Variants in ADCK1 observed in about 807,000 individuals in gnomAD.
The protein encoded by ADCK1 is aarF domain containing kinase 1, also known as aarF domain-containing protein kinase 1.
Under a neutral mutation model 52.3 loss-of-function variants are expected in ADCK1, and 41 were observed. The observed-to-expected ratio is 0.78, with a 90% CI of 0.61 to 1.02. The LOEUF (loss-of-function observed/expected upper bound fraction) is 1.02. Among genes scored for constraint, ADCK1 ranks in the 50% least tolerant of loss-of-function variants. The probability of loss-of-function intolerance (pLI) is 0.00; values close to 1 mark genes in which losing one functional copy is unlikely to be tolerated. For missense variants in ADCK1, 658 were observed against 679.5 expected (o/e 0.97, Z 0.35); for synonymous variants, 250 against 274.6 (o/e 0.91, Z 0.89).
chr14:77,845,010 T>C (rs2082148015), intron 3 of ADCK1, among the ~76,000 whole-genome samples: 1 of 152,232 alleles, frequency 6.6e-6, no homozygotes, highest in Non-Finnish European at 1.5e-5. Flanking sequence ...TTCCTATTCC[T>C]GACCCTGCTC....
intron 2 of ADCK1, among the ~76,000 whole-genome samples, chr14:77,820,058 C>CT (rs1218410523): frequency 1.3e-5 from 2 of 152,132 alleles, no homozygotes; most frequent in East Asian, 1.9e-4. Flanking sequence ...TACCGAATGC[C>CT]TTTTTTTGGT....
At chr14:77,872,566 G>T (rs913048913) in intron 4 of ADCK1, among the ~76,000 whole-genome samples, 6 of 151,986 alleles carry the variant, frequency 3.9e-5, no homozygotes, top group Non-Finnish European at 8.8e-5. Flanking sequence ...TGTGCTCTCA[G>T]ATGGGGGGCT....
At chr14:77,882,150 G>GA (rs1336728853) in intron 4 of ADCK1, among the ~76,000 whole-genome samples, 1 of 146,912 alleles carries the variant, frequency 6.8e-6, no homozygotes, top group African/African-American at 2.5e-5. Flanking sequence ...CTGGGGGTGG[G>GA]AAAGGGTGGG....
At chr14:77,918,291 C>A (rs1322004378) in intron 7 of ADCK1, among the ~76,000 whole-genome samples, 4 of 152,216 alleles carry the variant, frequency 2.6e-5, no homozygotes, top group African/African-American at 4.8e-5. Flanking sequence ...TTGTAAAAAG[C>A]ATGCAGTTCA....
intron 6 of ADCK1, chr14:77,900,695 C>G (rs908347099): frequency 2.3e-6 from 1 of 430,272 alleles, no homozygotes; most frequent in African/African-American, 2.0e-5. Context: ...TTTGTGTATT[C>G]CAATGTGGCA....
In ADCK1 at chr14:77,933,905, G is replaced by A. The variant is rs2084399646; in HGVS notation, c.*514G>A. On this transcript the variant is annotated 3_prime_UTR_variant, in exon 11 of 11. Coordinates refer to ENST00000238561, the MANE Select transcript of ADCK1 (RefSeq NM_020421.4). ...CTATGAGCTCACTGCTGTCAGTGAC[G>A]TTTGGTGTTTTCTGTACTGTGTTTC... The A allele has an allele frequency of 6.4e-6, 1 of 156,488 alleles. No individual in the cohort carries two copies. The highest frequency in any genetic ancestry group is 1.4e-5 in the Non-Finnish European group (1 of 70,406). The allele number at this position is 156,488 out of a possible 1,614,324, so 9.7% of individuals were successfully genotyped here.
At chr14:77,908,111 A>G (rs2083709661) in intron 7 of ADCK1, 192 bp downstream of exon 7, 6 of 504,446 alleles carry the variant, frequency 1.2e-5, no homozygotes, top group Middle Eastern at 5.0e-4. Context: ...CCCTGTGCAC[A>G]CAGCGGCCTG....
chr14:77,822,656 T>TTATCCAATCCTA, intron 3 of ADCK1, 138 bp downstream of exon 3: 1 of 742,366 alleles, frequency 1.3e-6, no homozygotes, highest in Non-Finnish European at 2.2e-6. Flanking sequence ...GGCCTAGGAT[T>TTATCCAATCCTA]GGATAAATCC....
chr14:77,902,689 C>T (rs2083573245), intron 6 of ADCK1: 1 of 152,180 alleles, frequency 6.6e-6, no homozygotes, highest in Non-Finnish European at 1.5e-5. Flanking sequence ...AGGCATTCAT[C>T]TGTGTTTCTG....
At chr14:77,814,037 G>C (rs2081389711) in intron 1 of ADCK1, among the ~76,000 whole-genome samples, 2 of 151,772 alleles carry the variant, frequency 1.3e-5, no homozygotes, top group Non-Finnish European at 2.9e-5. Flanking sequence ...CAAAGTGCTG[G>C]GATTACAGGT....
In ADCK1 at chr14:77,822,805, G is replaced by C. The variant is rs373390920; in HGVS notation, c.219+287G>C. 6.6e-5 allele frequency among the ~76,000 whole-genome samples: 10 copies of C among 152,288 alleles called. No individual in the cohort carries two copies. The South Asian group carries it at 1.9e-3, about 28-fold the overall frequency. ...GGAGGACCACTTCCTCCTTCACACA[G>C]AGGTTTCAGTGCTTCTGAGGGGTGC... On this transcript the variant is annotated intron_variant, in intron 3 of 10. Transcript: ENST00000238561.
chr14:77,906,438 C>A lies in ADCK1; in HGVS notation c.742-1365C>A, dbSNP rs961662920. On this transcript the variant is annotated intron_variant, in intron 6 of 10. Coordinates refer to ENST00000238561, the MANE Select transcript of ADCK1 (RefSeq NM_020421.4). The stretch of plus-strand genomic sequence containing the variant: ...CCTGGTTGCATTCTAGTCTCTTGCC[C>A]GCTCCTGGAGAAATCTGTTCTCTTT... 2.6e-5 allele frequency among the ~76,000 whole-genome samples: 4 copies of A among 152,270 alleles called. No individual in the cohort carries two copies. In the East Asian group the frequency reaches 7.7e-4, roughly 29 times the overall value.
intron 4 of ADCK1, among the ~76,000 whole-genome samples, chr14:77,862,153 C>G (rs1047902239): frequency 3.3e-5 from 5 of 152,172 alleles, no homozygotes; most frequent in Non-Finnish European, 5.9e-5. Flanking sequence ...AGTTTCTCAG[C>G]TAGTATTACC....
At chr14:77,900,618 G>A in intron 6 of ADCK1, 1 of 455,846 alleles carries the variant, frequency 2.2e-6, no homozygotes, top group Non-Finnish European at 4.4e-6. Context: ...AAAAGAAATG[G>A]GACAGAAAGT....
At position 77,933,217 on chromosome 14, in the gene ADCK1, C is replaced by T; in HGVS notation, c.1401-3C>T. On this transcript the variant is annotated splice_region_variant and splice_polypyrimidine_tract_variant and intron_variant, in intron 10 of 10. Transcript: ENST00000238561. The stretch of plus-strand genomic sequence containing the variant: ...TTCTCCTTTTTTCTTTCCCTTTTTC[C>T]AGGCACAAGAAGAAGAATACCTGTT... The T allele has an allele frequency of 2.5e-6, 4 of 1,609,278 alleles. No homozygotes were observed. The highest frequency in any genetic ancestry group is 3.4e-6 in the Non-Finnish European group (4 of 1,176,966).
At chr14:77,820,466 G>A (rs1026220552) in intron 2 of ADCK1, among the ~76,000 whole-genome samples, 2 of 151,678 alleles carry the variant, frequency 1.3e-5, no homozygotes, top group African/African-American at 2.4e-5. Context: ...GAGTAGCTGG[G>A]ACCACAGATG....
intron 3 of ADCK1, among the ~76,000 whole-genome samples, chr14:77,829,016 C>G (rs892336995): frequency 6.6e-6 from 1 of 151,220 alleles, no homozygotes; most frequent in Non-Finnish European, 1.5e-5. Context: ...TGATATACCC[C>G]CAACCTATAT....
intron 8 of ADCK1, among the ~76,000 whole-genome samples, chr14:77,925,418 GC>G (rs2140295836): frequency 6.6e-6 from 1 of 152,352 alleles, no homozygotes; most frequent in East Asian, 1.9e-4. Flanking sequence ...GTTTCTGTGG[GC>G]CAGGCCTGGA....
At chr14:77,888,505 G>T (rs557157302) in intron 5 of ADCK1, among the ~76,000 whole-genome samples, 2 of 152,254 alleles carry the variant, frequency 1.3e-5, no homozygotes, top group Admixed American at 6.5e-5. Flanking sequence ...ATAAAAATCT[G>T]TTGGGAGTCT....
Sources: gnomAD v4.1 joint callset for allele counts (sites outside exome capture counted in the v4.1 genomes callset) on GRCh38, gnomAD v4.1.1 for gene constraint, MANE v1.5 for transcripts, NCBI Gene and HGNC (gene_info 2026-07-23, HGNC 2026-07-21) for gene names.